BRIP1: variants seen among roughly 807,000 people sequenced by gnomAD.
The protein encoded by BRIP1 is Fanconi anemia group J protein.
Under a neutral mutation model 119.7 loss-of-function variants are expected in BRIP1, and 88 were observed. The ratio of observed to expected loss-of-function variants is 0.74; its 90% confidence interval spans 0.62 to 0.88. The LOEUF is 0.88. Among genes scored for constraint, BRIP1 ranks in the 40% least tolerant of loss-of-function variants. The pLI is 0.00. For synonymous variants in BRIP1, 443 were observed against 496.5 expected (o/e 0.89, Z 1.43); for missense variants, 1,259 against 1,455.4 (o/e 0.87, Z 2.20).
Position 61,806,440 on chromosome 17 carries a change from T to G in BRIP1, c.918+2027A>C, listed in dbSNP as rs978855255. ...AACCACAAGCAGATATCTTCAATTA[T>G]TCATATTACTAATATTAAAAAATAA... On this transcript the variant is annotated intron_variant, in intron 7 of 19. Coordinates refer to ENST00000259008, the MANE Select transcript of BRIP1 (RefSeq NM_032043.3). This position sits in a 1 kb window ranked among gnomAD's most constrained non-coding sequence, Gnocchi z 4.9. 1.3e-5 allele frequency among the ~76,000 whole-genome samples: 2 copies of G among 152,146 alleles called. No individual in the cohort carries two copies. The highest frequency in any genetic ancestry group is 2.9e-5 in the Non-Finnish European group (2 of 68,028).
chr17:61,773,993 A>G (rs376969811), intron 14 of BRIP1, among the ~76,000 whole-genome samples: 1 of 152,276 alleles, frequency 6.6e-6, no homozygotes, highest in African/African-American at 2.4e-5. Context: ...TGGTGGGAGT[A>G]TAAATTAGTT....
rs2077591601 is a variant in BRIP1 at position 61,780,153 on chromosome 17, C to T, written c.1935+108G>A. 1.6e-6 allele frequency: 2 copies of T among 1,214,162 alleles called. No homozygotes were observed. The highest frequency in any genetic ancestry group is 4.7e-5 in the East Asian group (2 of 42,488). 75.2% of individuals were successfully genotyped at this position (1,214,162 alleles called of 1,614,324 possible). A position where few individuals can be genotyped will look rare whatever the true frequency, so the allele number is the denominator to read the frequency against. ...ATTGTAAAACTGGAATGTTGAATTT[C>T]CTACCAAGATTTACTTGCTGGCACT... On this transcript the variant is annotated intron_variant, in intron 13 of 19. Transcript: ENST00000259008. The surrounding 1 kb of genome is among the most constrained non-coding windows in gnomAD (Gnocchi z 5.4).
chr17:61,851,970 A>T lies in BRIP1; in HGVS notation c.380-2714T>A, dbSNP rs1396023201. On this transcript the variant is annotated intron_variant, in intron 4 of 19. Transcript: ENST00000259008. The surrounding 1 kb of genome is among the most constrained non-coding windows in gnomAD (Gnocchi z 4.6). ...AATACTACTAGCATCCAGTGCATAA[A>T]GGCCAGAAGTATTGCTAAACATCTC... Among the ~76,000 whole-genome samples, 1 of 152,234 alleles carries T rather than the reference A, an allele frequency of 6.6e-6. No homozygotes were observed. The highest frequency in any genetic ancestry group is 2.4e-5 in the African/African-American group (1 of 41,472).
In BRIP1 at chr17:61,787,408, A is replaced by AAT. The variant is rs1383237685; in HGVS notation, c.1474-2986_1474-2985dup. ...ATATATAGTATATATATTTATATAA[A>AAT]ATATTTATATAAAATATATAATATA... On this transcript the variant is annotated intron_variant, in intron 10 of 19. Transcript: ENST00000259008. Among the ~76,000 whole-genome samples the AAT allele has an allele frequency of 2.0e-3, 122 of 62,440 alleles. 1 individual carries two copies. The highest frequency in any genetic ancestry group is 9.1e-3 in the Middle Eastern group (1 of 110). The allele number at this position is 62,440 out of a possible 152,430, so 41.0% of individuals were successfully genotyped here.
intron 18 of BRIP1, among the ~76,000 whole-genome samples, chr17:61,688,550 C>T (rs1034704235): frequency 2.0e-5 from 3 of 151,922 alleles, no homozygotes; most frequent in Non-Finnish European, 2.9e-5. Flanking sequence ...GACAGATCCA[C>T]GGAAAAGGTT....
In BRIP1 at chr17:61,853,464, T is replaced by C. The variant is rs1176593121; in HGVS notation, c.379+3594A>G. Among the ~76,000 whole-genome samples the C allele has an allele frequency of 1.3e-5, 2 of 152,202 alleles. No homozygotes were observed. Among genetic ancestry groups the C allele is most frequent in the African/African-American group, 4.8e-5 (2 of 41,454 alleles). On this transcript the variant is annotated intron_variant, in intron 4 of 19. Transcript: ENST00000259008. The surrounding 1 kb of genome is among the most constrained non-coding windows in gnomAD (Gnocchi z 4.3). ...TATACTTAGGATTTGCATTTTTCTA[T>C]ATTTAGGTTACAGATTAAAGGATTT...
chr17:61,813,076 C>A, intron 6 of BRIP1, among the ~76,000 whole-genome samples: 1 of 151,930 alleles, frequency 6.6e-6, no homozygotes, highest in South Asian at 2.1e-4. Flanking sequence ...AATTTCATTG[C>A]CAAAGAAGAA....
In BRIP1 at chr17:61,735,500, A is replaced by C. The variant is rs1210887724; in HGVS notation, c.2379+7513T>G. ...AATAGCTTCTTGAAGCCAAGAGTAC[A>C]CCTTAGGGCTAGGCACGGTGGCTCA... On this transcript the variant is annotated intron_variant, in intron 16 of 19. Transcript: ENST00000259008. This position sits in a 1 kb window ranked among gnomAD's most constrained non-coding sequence, Gnocchi z 4.4. 6.6e-6 allele frequency among the ~76,000 whole-genome samples: 1 copy of C among 151,822 alleles called. No individual in the cohort carries two copies. The highest frequency in any genetic ancestry group is 1.5e-5 in the Non-Finnish European group (1 of 67,946).
chr17:61,723,452 A>T (rs1032506494), intron 16 of BRIP1, among the ~76,000 whole-genome samples: 6 of 152,176 alleles, frequency 3.9e-5, no homozygotes, highest in African/African-American at 1.4e-4. Context: ...TTAGTCTTTG[A>T]TCTATTTGGG....
Position 61,722,341 on chromosome 17 carries a change from C to T in BRIP1, c.2380-6278G>A, listed in dbSNP as rs537061833. ...CAGGCATGGAGCCACTGCCCCCAGC[C>T]CAACTTTGCTTTTTAGGGCAACATA... On this transcript the variant is annotated intron_variant, in intron 16 of 19. Coordinates refer to ENST00000259008, the MANE Select transcript of BRIP1 (RefSeq NM_032043.3). This position sits in a 1 kb window ranked among gnomAD's most constrained non-coding sequence, Gnocchi z 4.6. Among the ~76,000 whole-genome samples, 6 of 152,220 alleles carry T rather than the reference C, an allele frequency of 3.9e-5. No homozygotes were observed. In the South Asian group the frequency reaches 6.2e-4, roughly 16 times the overall value.
rs876658725 is a variant in BRIP1 at position 61,784,409 on chromosome 17, C to T, written c.1489G>A (p.Val497Ile). The T allele has an allele frequency of 1.2e-6, 2 of 1,613,030 alleles. No individual in the cohort carries two copies. Among genetic ancestry groups the T allele is most frequent in the East Asian group, 2.2e-5 (1 of 44,812 alleles). ...GAGATTTTTTCCTCTTTTTGAAGAA[C>T]AGCAGAAAAATGTCCCTATAAGAAA... Reference protein sequence around the residue: ...FPILQGHFSAVLQKEEKISPI... With the variant: ...FPILQGHFSAILQKEEKISPI... Residue 497 changes from valine (V) to isoleucine (I), a missense_variant, in exon 11 of 20, where the codon GTT becomes ATT. Val to Ile is a conservative substitution (Grantham distance 29). Around this residue, in one of 3 missense-constraint regions of BRIP1, gnomAD observed 753 missense variants for 891.8 expected, o/e 0.84. Coordinates refer to ENST00000259008, the MANE Select transcript of BRIP1 (RefSeq NM_032043.3).
chr17:61,853,867 A>C lies in BRIP1; in HGVS notation c.379+3191T>G, dbSNP rs1372198946. On this transcript the variant is annotated intron_variant, in intron 4 of 19. Transcript: ENST00000259008. The surrounding 1 kb of genome is among the most constrained non-coding windows in gnomAD (Gnocchi z 4.3). ...AACACAAACTAATAAAAAATAGGCAATTATTCGAACAGACATATCATCAAA... is the reference window on the plus strand; with the variant it reads ...AACACAAACTAATAAAAAATAGGCACTTATTCGAACAGACATATCATCAAA... 6.6e-6 allele frequency among the ~76,000 whole-genome samples: 1 copy of C among 152,236 alleles called. No homozygotes were observed.
intron 11 of BRIP1, among the ~76,000 whole-genome samples, chr17:61,781,281 A>T (rs1367378838): frequency 6.6e-6 from 1 of 152,204 alleles, no homozygotes; most frequent in Non-Finnish European, 1.5e-5. Context: ...TTCAAACATT[A>T]CATATGTCAT....
In BRIP1 at chr17:61,808,636, G is replaced by C. The variant is rs1555609275; in HGVS notation, c.749C>G (p.Thr250Arg). 2 of 1,613,898 alleles carry C rather than the reference G, an allele frequency of 1.2e-6. No individual in the cohort carries two copies. Among genetic ancestry groups the C allele is most frequent in the Non-Finnish European group, 1.7e-6 (2 of 1,179,890 alleles). ...CTGAGCAATCTGCTTGTGTGTGCGT[G>C]TCCCAAAATATATTTTGGGTATCTT... ...KSKIPKIYFG[T>R]RTHKQIAQIT... Residue 250 changes from threonine to arginine, a missense_variant, in exon 7 of 20, where the codon ACA becomes AGA. Physicochemically the swap from Thr to Arg is moderately conservative, Grantham distance 71. This residue lies in a region of BRIP1 where 501 missense variants were observed against 544.0 expected (regional missense o/e 0.92). Coordinates refer to ENST00000259008, the MANE Select transcript of BRIP1 (RefSeq NM_032043.3). This position sits in a 1 kb window ranked among gnomAD's most constrained non-coding sequence, Gnocchi z 4.1.
rs1404924799 is a variant in BRIP1 at position 61,706,049 on chromosome 17, T to C, written c.2492+9902A>G. Among the ~76,000 whole-genome samples, 1 of 152,190 alleles carries C rather than the reference T, an allele frequency of 6.6e-6. No individual in the cohort carries two copies. Among genetic ancestry groups the C allele is most frequent in the Non-Finnish European group, 1.5e-5 (1 of 68,016 alleles). On this transcript the variant is annotated intron_variant, in intron 17 of 19. Transcript: ENST00000259008. The surrounding 1 kb of genome is among the most constrained non-coding windows in gnomAD (Gnocchi z 5.7). ...AATTGTGTATTTTTCTATTTTTCTC[T>C]TCAGATCTGTCAGTTTTTGCTTCAT...
Position 61,793,603 on chromosome 17 carries a change from A to T in BRIP1, c.1467T>A (p.Ile489=). Reference sequence around the variant, plus strand: ...GGTAGAAAAAATATCTTACCTGCAAAATGGGAAAAGTAGCAGTGGTGATAC... The same window carrying T: ...GGTAGAAAAAATATCTTACCTGCAATATGGGAAAAGTAGCAGTGGTGATAC... The part of the protein sequence containing the change: ...KMGITTATFP[I]LQGHFSAVLQ... The change falls in exon 10 of 20, where the codon ATT becomes ATA. Residue 489 remains isoleucine (I), a synonymous_variant. Transcript: ENST00000259008. The surrounding 1 kb of genome is among the most constrained non-coding windows in gnomAD (Gnocchi z 5.2). The T allele has an allele frequency of 6.2e-7, 1 of 1,605,482 alleles. No homozygotes were observed. Among genetic ancestry groups the T allele is most frequent in the South Asian group, 1.1e-5 (1 of 89,936 alleles).
At position 61,769,984 on chromosome 17, in the gene BRIP1, C is replaced by T. The variant is rs2077424476; in HGVS notation, c.2097+6417G>A. Among the ~76,000 whole-genome samples the T allele has an allele frequency of 6.6e-6, 1 of 152,162 alleles. No homozygotes were observed. The highest frequency in any genetic ancestry group is 2.1e-4 in the South Asian group (1 of 4,830). On this transcript the variant is annotated intron_variant, in intron 14 of 19. Coordinates refer to ENST00000259008, the MANE Select transcript of BRIP1 (RefSeq NM_032043.3). This position sits in a 1 kb window ranked among gnomAD's most constrained non-coding sequence, Gnocchi z 4.9. ...TCCCACAGTAAAGAGCCAAGAAAAA[C>T]CCTACTGTTTCGGGCAGGAGGAGGG... is the stretch of plus-strand genomic sequence containing the variant.
At chr17:61,854,470 G>A (rs560044561) in intron 4 of BRIP1, among the ~76,000 whole-genome samples, 1 of 152,196 alleles carries the variant, frequency 6.6e-6, no homozygotes, top group African/African-American at 2.4e-5. Flanking sequence ...ACTTTGTGAG[G>A]CACAGATGGG....
intron 6 of BRIP1, among the ~76,000 whole-genome samples, chr17:61,840,083 G>T (rs1309263738): frequency 6.6e-6 from 1 of 152,164 alleles, no homozygotes; most frequent in Non-Finnish European, 1.5e-5. Context: ...TTTTGGCCAG[G>T]TTCCGTGGCT....
Sources: gnomAD v4.1 joint callset for allele counts (sites outside exome capture counted in the v4.1 genomes callset) on GRCh38, gnomAD v4.1.1 for gene constraint, gnomAD v4.1.1 regional missense constraint, Gnocchi (gnomAD v3.1) non-coding constraint, MANE v1.5 for transcripts, NCBI Gene and HGNC (gene_info 2026-07-23, HGNC 2026-07-21) for gene names.